The following TMEM63A variants were observed in gnomAD, a reference collection of about 807,000 sequenced individuals.
The protein encoded by TMEM63A is mechanosensitive cation channel TMEM63A.
A neutral mutation model predicts 100.6 loss-of-function variants in TMEM63A; 76 were observed. The ratio of observed to expected loss-of-function variants is 0.76; its 90% CI spans 0.63 to 0.91. The LOEUF (loss-of-function observed/expected upper bound fraction) is 0.91, where lower values mean the gene tolerates loss of function less well. TMEM63A is among the 40% of genes least tolerant of loss of function. The pLI is 0.00. For synonymous variants in TMEM63A, 401 were observed against 401.1 expected (o/e 1.00, Z 0.00); for missense variants, 876 against 1,008.8 (o/e 0.87, Z 1.78).
At chr1:225,880,509 A>C (rs1671036905) in intron 1 of TMEM63A, among the ~76,000 whole-genome samples, 1 of 152,130 alleles carries the variant, frequency 6.6e-6, no homozygotes, top group South Asian at 2.1e-4. Context: ...ACTGTGGTTG[A>C]AGTGGCACTG....
downstream of TMEM63A, chr1:225,842,401 G>A (rs1177947193): frequency 1.2e-6 from 2 of 1,613,984 alleles, no homozygotes; most frequent in Admixed American, 3.3e-5. Flanking sequence ...GGGTCTGGCT[G>A]CCTATATTCT....
In TMEM63A at chr1:225,856,913, G is replaced by A. The variant is rs759858236; in HGVS notation, c.1482C>T (p.Thr494=). ...YYSTLLESHW[T]KSGENQIMMT... ...CCTCGGGGCTCCCGGGCACTCACTT[G>A]GTCCAGTGAGACTCCAGCAGTGTAG... The change falls in exon 16 of 25, where the codon ACC becomes ACT. Residue 494 remains threonine, a splice_region_variant and synonymous_variant. Transcript: ENST00000366835. 49 of 1,610,694 alleles carry A rather than the reference G, an allele frequency of 3.0e-5. No homozygotes were observed. The highest frequency in any genetic ancestry group is 4.2e-5 in the Non-Finnish European group (49 of 1,178,934).
downstream of TMEM63A, chr1:225,845,512 A>G: frequency 1.6e-6 from 1 of 634,100 alleles, no homozygotes; most frequent in South Asian, 1.9e-5. Context: ...CCAACCCCCA[A>G]CTCCGTGTGG....
intron 8 of TMEM63A, 147 bp downstream of exon 8, chr1:225,866,965 C>A (rs2102630054): frequency 1.2e-6 from 1 of 842,470 alleles, no homozygotes; most frequent in Non-Finnish European, 2.0e-6. Flanking sequence ...CGTGTTCATG[C>A]CCACAGCTCA....
At chr1:225,856,788 G>A in intron 16 of TMEM63A, 50 bp from the exon 17 acceptor site, 2 of 1,594,088 alleles carry the variant, frequency 1.3e-6, no homozygotes, top group East Asian at 2.3e-5. Context: ...TGCTCTATGT[G>A]CCCCCAGTGA....
chr1:225,872,096 A>G (rs76545632), intron 4 of TMEM63A, 43 bp from the exon 5 acceptor site: 3 of 1,380,778 alleles, frequency 2.2e-6, no homozygotes, highest in African/African-American at 3.0e-5. Context: ...AATTCTTAGA[A>G]AAAAAAAAAA....
At chr1:225,860,703 G>A in intron 14 of TMEM63A, 157 bp downstream of exon 14, 1 of 835,856 alleles carries the variant, frequency 1.2e-6, no homozygotes, top group Non-Finnish European at 1.7e-6. Context: ...TACCCCAGTT[G>A]GGCCACACCG....
chr1:225,866,578 T>C lies in TMEM63A; in HGVS notation c.671A>G (p.Asn224Ser). ...HTQSIKYKEE[N>S]LVRRTLFITG... ...CCTAAGTCCCGCCTCACTCACCAGGTTCTCCTCTTTGTACTTAATGGACTG... is the reference window on the plus strand; with the variant it reads ...CCTAAGTCCCGCCTCACTCACCAGGCTCTCCTCTTTGTACTTAATGGACTG... Residue 224 changes from asparagine to serine, a missense_variant, in exon 9 of 25, where the codon AAC becomes AGC. Transcript: ENST00000366835. 6.2e-7 allele frequency: 1 copy of C among 1,613,798 alleles called. No individual in the cohort carries two copies. The highest frequency in any genetic ancestry group is 8.5e-7 in the Non-Finnish European group (1 of 1,179,760).
intron 14 of TMEM63A, 67 bp from the exon 15 acceptor site, chr1:225,859,416 G>A: frequency 6.3e-7 from 1 of 1,592,188 alleles, no homozygotes; most frequent in African/African-American, 1.3e-5. Flanking sequence ...AGGTGGGTCA[G>A]AAGGTCAGAT....
chr1:225,841,449 A>G (rs1414203738), downstream of TMEM63A, among the ~76,000 whole-genome samples: 3 of 149,772 alleles, frequency 2.0e-5, no homozygotes, highest in Non-Finnish European at 4.4e-5. Context: ...TGCCTGGCTA[A>G]TGTTTTGTAT....
At position 225,876,063 on chromosome 1, in the gene TMEM63A, CAAAAAAAAAAAAAAAAAAAAAAAAA is replaced by C. The variant is rs532420561; in HGVS notation, c.186+1307_186+1331del. Among the ~76,000 whole-genome samples the C allele has an allele frequency of 2.8e-3, 91 of 32,922 alleles. No individual in the cohort carries two copies. In the South Asian group the frequency reaches 0.12, roughly 43 times the overall value. 21.6% of individuals were successfully genotyped at this position (32,922 alleles called of 152,430 possible). A position where few individuals can be genotyped will look rare whatever the true frequency, so the allele number is the denominator to read the frequency against. On this transcript the variant is annotated intron_variant, in intron 3 of 24. Transcript: ENST00000366835. ...CCTGGGTGACAGTGAGACCTTGTCT[CAAAAAAAAAAAAAAAAAAAAAAAAA>C]AAAAAAAAAAAAATTCACCTTCAGC...
chr1:225,848,902 A>G lies in TMEM63A; in HGVS notation c.2182T>C (p.Tyr728His). The G allele has an allele frequency of 6.3e-7, 1 of 1,586,382 alleles. No homozygotes were observed. Among genetic ancestry groups the G allele is most frequent in the Non-Finnish European group, 8.6e-7 (1 of 1,166,952 alleles). The stretch of plus-strand genomic sequence containing the variant: ...GTGGGGTCGGGGGCCTTTACTTTGT[A>G]GTTCAGAGGGCTGAGGTGCTTGAAG... ...GCFKHLSPLN[Y>H]KTEEPASDKG... Residue 728 changes from tyrosine (Y) to histidine (H), a missense_variant, in exon 22 of 25, where the codon TAC becomes CAC. Transcript: ENST00000366835.
At position 225,871,033 on chromosome 1, in the gene TMEM63A, C is replaced by T. The variant is rs1016271446; in HGVS notation, c.371+43G>A. Reference sequence around the variant, plus strand: ...TTGACTGGCCAAACACCCAAAAAAACCAGCCCAAAGGCCCCCCAGCAGCTG... The same window carrying T: ...TTGACTGGCCAAACACCCAAAAAAATCAGCCCAAAGGCCCCCCAGCAGCTG... On this transcript the variant is annotated intron_variant, in intron 6 of 24. Transcript: ENST00000366835. The T allele has an allele frequency of 9.3e-6, 15 of 1,609,290 alleles. No homozygotes were observed. The African/African-American group carries it at 9.4e-5, about 10-fold the overall frequency.
chr1:225,867,463 TA>T lies in TMEM63A; in HGVS notation c.515-301del, dbSNP rs1670271131. Reference sequence around the variant, plus strand: ...AAAACCAACGTTGGGAACCACTGGGTATCCTAAGTGGATTCATGGTGGCATT... The same window carrying T: ...AAAACCAACGTTGGGAACCACTGGGTTCCTAAGTGGATTCATGGTGGCATT... On this transcript the variant is annotated intron_variant, in intron 7 of 24. Coordinates refer to ENST00000366835, the MANE Select transcript of TMEM63A (RefSeq NM_014698.3). This position sits in a 1 kb window ranked among gnomAD's most constrained non-coding sequence, Gnocchi z 4.6. Among the ~76,000 whole-genome samples the T allele has an allele frequency of 6.6e-6, 1 of 152,230 alleles. No individual in the cohort carries two copies. Among genetic ancestry groups the T allele is most frequent in the Non-Finnish European group, 1.5e-5 (1 of 68,040 alleles).
At position 225,865,596 on chromosome 1, in the gene TMEM63A, T is replaced by C. The variant is rs141171561; in HGVS notation, c.746+301A>G. 52 of 304,910 alleles carry C rather than the reference T, an allele frequency of 1.7e-4. No homozygotes were observed. Among genetic ancestry groups the C allele is most frequent in the African/African-American group, 1.0e-3 (48 of 48,188 alleles). The allele number at this position is 304,910 out of a possible 1,614,324, so 18.9% of individuals were successfully genotyped here. The stretch of plus-strand genomic sequence containing the variant: ...TAAGAACCCCGGGGTCAACAATTTT[T>C]TCCCCCGTATGCTCTCAAGACGTTT... On this transcript the variant is annotated intron_variant, in intron 10 of 24. Coordinates refer to ENST00000366835, the MANE Select transcript of TMEM63A (RefSeq NM_014698.3). The surrounding 1 kb of genome is among the most constrained non-coding windows in gnomAD (Gnocchi z 4.6).
At chr1:225,874,401 T>C (rs377101102) in intron 3 of TMEM63A, 34 bp from the exon 4 acceptor site, 81 of 1,588,164 alleles carry the variant, frequency 5.1e-5, no homozygotes, top group African/African-American at 6.7e-5. Flanking sequence ...TAAAAGCATA[T>C]TGGATGGCTT....
downstream of TMEM63A, among the ~76,000 whole-genome samples, chr1:225,841,750 C>T (rs1668446232): frequency 2.6e-5 from 4 of 151,764 alleles, no homozygotes; most frequent in Non-Finnish European, 2.9e-5. Flanking sequence ...TACAGGCATG[C>T]ACCACCATGC....
intron 3 of TMEM63A, among the ~76,000 whole-genome samples, 185 bp from the exon 4 acceptor site, chr1:225,874,552 C>A (rs188738694): frequency 5.0e-4 from 76 of 152,352 alleles, no homozygotes; most frequent in African/African-American, 1.8e-3. Context: ...CTTTGCTCAC[C>A]CCCTTCACCA....
rs1263725868 is a variant in TMEM63A, at chr1:225,853,571, A to G, written c.1797+58T>C. On this transcript the variant is annotated intron_variant, in intron 19 of 24. Transcript: ENST00000366835. The surrounding 1 kb of genome is among the most constrained non-coding windows in gnomAD (Gnocchi z 4.0). ...AGTGGGGGTGAGAGGCCCTCGGGTC[A>G]GTGAAGGGGGACATGGGAGGGAGTC... is the stretch of plus-strand genomic sequence containing the variant. The G allele has an allele frequency of 6.8e-7, 1 of 1,461,716 alleles. No individual in the cohort carries two copies. The highest frequency in any genetic ancestry group is 1.4e-5 in the African/African-American group (1 of 69,828). The allele number at this position is 1,461,716 out of a possible 1,614,324, so 90.5% of individuals were successfully genotyped here.
Sources: allele counts gnomAD v4.1 joint callset (sites outside exome capture counted in the v4.1 genomes callset), GRCh38; gene constraint gnomAD v4.1.1; non-coding constraint Gnocchi (gnomAD v3.1); transcripts MANE v1.5; gene names NCBI Gene and HGNC (gene_info 2026-07-23, HGNC 2026-07-21).